The following UBE4A variants were observed in gnomAD, a reference collection of about 807,000 sequenced individuals.
The protein encoded by UBE4A is ubiquitination factor E4A, also known as ubiquitin conjugation factor E4 A.
Under a neutral mutation model 117.9 loss-of-function variants are expected in UBE4A, and 48 were observed. The observed-to-expected ratio is 0.41, with a 90% confidence interval of 0.32 to 0.52. The LOEUF (loss-of-function observed/expected upper bound fraction) is 0.52, where lower values mean the gene tolerates loss of function less well. UBE4A is among the 20% of genes least tolerant of loss of function. The pLI, the probability that UBE4A is intolerant of heterozygous loss-of-function variation, is 0.33. For synonymous variants in UBE4A, 407 were observed against 450.0 expected, an observed-to-expected ratio of 0.90 and a Z score of 1.21; for missense variants, 1,067 against 1,296.3, an observed-to-expected ratio of 0.82 and a Z score of 2.72.
chr11:118,373,335 A>T (rs760506611), intron 7 of UBE4A, 47 bp downstream of exon 7: 2 of 1,593,286 alleles, frequency 1.3e-6, no homozygotes, highest in Non-Finnish European at 1.7e-6. Flanking sequence ...GATGTGTAAT[A>T]CATGATGCTT....
intron 8 of UBE4A, 138 bp from the exon 9 acceptor site, chr11:118,374,758 A>G: frequency 1.3e-6 from 1 of 769,862 alleles, no homozygotes; most frequent in Admixed American, 3.7e-5. Context: ...TTTAAAATCA[A>G]ATTAGGGGAT....
chr11:118,393,585 C>T (rs1329921490), intron 19 of UBE4A, among the ~76,000 whole-genome samples: 1 of 151,662 alleles, frequency 6.6e-6, no homozygotes, highest in Non-Finnish European at 1.5e-5. Context: ...GGGTGTGAGC[C>T]ACTGTGCCTG....
At chr11:118,372,386 CTAAT>C (rs1948616503) in intron 5 of UBE4A, 117 bp from the exon 6 acceptor site, 4 of 1,003,692 alleles carry the variant, frequency 4.0e-6, no homozygotes, top group East Asian at 3.0e-5. Flanking sequence ...GAAGGAATCT[CTAAT>C]TAATTTTCAA....
intron 17 of UBE4A, among the ~76,000 whole-genome samples, 191 bp from the exon 18 acceptor site, chr11:118,390,466 T>C (rs2134111260): frequency 7.5e-6 from 1 of 133,630 alleles, no homozygotes; most frequent in East Asian, 2.0e-4. Context: ...TTATATTTTA[T>C]TATTATAAAT....
chr11:118,363,917 C>T (rs183594470), intron 1 of UBE4A, among the ~76,000 whole-genome samples: 2 of 152,174 alleles, frequency 1.3e-5, no homozygotes, highest in Admixed American at 1.3e-4. Flanking sequence ...TGCACCTGGC[C>T]CACATTAGCT....
At position 118,382,645 on chromosome 11, in the gene UBE4A, C is replaced by G; in HGVS notation, c.2066C>G (p.Pro689Arg). Residue 689 changes from proline (P) to arginine (R), a missense_variant, in exon 13 of 20, where the codon CCC (proline) becomes CGC (arginine). Around this residue, in one of 3 missense-constraint regions of UBE4A, gnomAD observed 1,001 missense variants for 1,184.0 expected, o/e 0.85. Transcript: ENST00000252108. Reference sequence around the variant, plus strand: ...GCAGAGGTGTTGGAAGCAGTGATGCCCCACCTGGATCAGACCCCAAATCCC... The same window carrying G: ...GCAGAGGTGTTGGAAGCAGTGATGCGCCACCTGGATCAGACCCCAAATCCC... ...KLAEVLEAVM[P>R]HLDQTPNPLV... 6.3e-7 allele frequency: 1 copy of G among 1,596,584 alleles called. No individual in the cohort carries two copies. The highest frequency in any genetic ancestry group is 8.6e-7 in the Non-Finnish European group (1 of 1,169,502).
chr11:118,395,906 T>G (rs1948866905), intron 19 of UBE4A, among the ~76,000 whole-genome samples: 1 of 151,854 alleles, frequency 6.6e-6, no homozygotes, highest in Non-Finnish European at 1.5e-5. Flanking sequence ...GAAACTCTGT[T>G]TCTACTGAAA....
At chr11:118,374,780 A>G (rs1948636692) in intron 8 of UBE4A, 116 bp from the exon 9 acceptor site, 1 of 941,820 alleles carries the variant, frequency 1.1e-6, no homozygotes, top group Non-Finnish European at 1.5e-6. Context: ...AGGCACAGAG[A>G]GTGAGGGGAA....
chr11:118,386,332 C>CA (rs1948757430), intron 15 of UBE4A, 106 bp from the exon 16 acceptor site: 13 of 1,191,394 alleles, frequency 1.1e-5, no homozygotes. Flanking sequence ...CATGGTCCCT[C>CA]GTTTTCCCAG....
At chr11:118,361,007 T>TG (rs1565527355) in intron 1 of UBE4A, among the ~76,000 whole-genome samples, 11 of 104,492 alleles carry the variant, frequency 1.1e-4, no homozygotes, top group Admixed American at 1.7e-4. Context: ...TGTGTGTGTG[T>TG]ATTTTTTTTT....
chr11:118,375,256 CTGTGTG>C (rs61368823), intron 9 of UBE4A, 27 bp downstream of exon 9: 14 of 1,475,856 alleles, frequency 9.5e-6, no homozygotes, highest in Admixed American at 1.9e-5. Flanking sequence ...CTTCTCAAAA[CTGTGTG>C]TGTGTGTGTG....
rs1948902227 is a variant in UBE4A, at chr11:118,399,163, C to G, written c.*2723C>G. The G allele has an allele frequency of 2.4e-6, 1 of 416,176 alleles. No homozygotes were observed. The highest frequency in any genetic ancestry group is 4.9e-6 in the Non-Finnish European group (1 of 202,550). The allele number at this position is 416,176 out of a possible 1,614,324, so 25.8% of individuals were successfully genotyped here. The stretch of plus-strand genomic sequence containing the variant: ...GTTACTTCTTGTCAAACTTGCCTGG[C>G]AGTGTTTGTTCAAAACTTGTATTTA... On this transcript the variant is annotated 3_prime_UTR_variant, in exon 20 of 20. Coordinates refer to ENST00000252108, the MANE Select transcript of UBE4A (RefSeq NM_001204077.2).
At chr11:118,390,483 TAATAAAATAATATTTATATATTATA>T (rs1555128153) in intron 17 of UBE4A, among the ~76,000 whole-genome samples, 149 bp from the exon 18 acceptor site, 1 of 145,616 alleles carries the variant, frequency 6.9e-6, no homozygotes, top group Non-Finnish European at 1.5e-5. Flanking sequence ...AAATAATAAA[TAATAAAATAATATTTATATATTATA>T]AATAATATAT....
chr11:118,393,672 T>A (rs1476276764), intron 19 of UBE4A, among the ~76,000 whole-genome samples: 5 of 151,964 alleles, frequency 3.3e-5, no homozygotes, highest in Admixed American at 1.3e-4. Flanking sequence ...CTCAGCTCAC[T>A]GCAAGCTCCG....
chr11:118,385,035 G>A, intron 15 of UBE4A, 90 bp downstream of exon 15: 2 of 1,207,076 alleles, frequency 1.7e-6, no homozygotes, highest in Admixed American at 2.2e-5. Context: ...TCATAATAGA[G>A]CAGTCCTTAT....
intron 1 of UBE4A, among the ~76,000 whole-genome samples, chr11:118,363,594 C>T (rs1297537402): frequency 6.7e-6 from 1 of 149,868 alleles, no homozygotes; most frequent in African/African-American, 2.5e-5. Context: ...GTAACTTTTT[C>T]GACCACATTA....
chr11:118,359,814 TCTC>T (rs915087854), intron 1 of UBE4A, 140 bp downstream of exon 1: 6 of 152,452 alleles, frequency 3.9e-5, no homozygotes, highest in Admixed American at 2.0e-4. Context: ...CCAGGGACCT[TCTC>T]CTTCTTGAAC....
At chr11:118,387,007 A>C (rs148658855) in intron 16 of UBE4A, among the ~76,000 whole-genome samples, 1 of 152,210 alleles carries the variant, frequency 6.6e-6, no homozygotes, top group Non-Finnish European at 1.5e-5. Flanking sequence ...TCCACTGTCC[A>C]ATTCAGTAGC....
At chr11:118,372,421 T>C (rs1948616642) in intron 5 of UBE4A, 86 bp from the exon 6 acceptor site, 4 of 1,348,088 alleles carry the variant, frequency 3.0e-6, no homozygotes, top group East Asian at 2.5e-5. Flanking sequence ...GAGACCAGTA[T>C]GTCTCTTCTA....
Sources: allele counts gnomAD v4.1 joint callset (sites outside exome capture counted in the v4.1 genomes callset), GRCh38; gene constraint gnomAD v4.1.1; regional missense constraint gnomAD v4.1.1; transcripts MANE v1.5; gene names NCBI Gene and HGNC (gene_info 2026-07-23, HGNC 2026-07-21).